The following BICC1 variants were observed in gnomAD, a reference collection of about 807,000 sequenced individuals.
BICC1 encodes the protein BicC family RNA binding protein 1, also known as protein bicaudal C homolog 1.
Under a neutral mutation model 111.0 loss-of-function variants are expected in BICC1, and 43 were observed. The ratio of observed to expected loss-of-function variants is 0.39; its 90% CI spans 0.30 to 0.50. The LOEUF (loss-of-function observed/expected upper bound fraction) is 0.50. Ranked by LOEUF, BICC1 falls within the 20% of genes least tolerant of loss-of-function variation. BICC1 has a pLI of 0.88. For missense variants in BICC1, 1,091 were observed against 1,203.2 expected (o/e 0.91, Z 1.38); for synonymous variants, 467 against 434.4 (o/e 1.07, Z -0.93).
At chr10:58,686,903 G>A (rs917706188) in intron 2 of BICC1, among the ~76,000 whole-genome samples, 3 of 152,172 alleles carry the variant, frequency 2.0e-5, no homozygotes, top group Admixed American at 6.5e-5. Context: ...ATCTAGCTTT[G>A]TTCCATTGCT....
At chr10:58,785,149 G>C (rs1842975017) in intron 4 of BICC1, 69 bp downstream of exon 4, 1 of 863,188 alleles carries the variant, frequency 1.2e-6, no homozygotes, top group Admixed American at 2.8e-5. Context: ...ATGCCGTTAT[G>C]AAAGAACCAT....
intron 1 of BICC1, among the ~76,000 whole-genome samples, chr10:58,542,263 G>A (rs1290129738): frequency 6.6e-6 from 1 of 151,560 alleles, no homozygotes; most frequent in Non-Finnish European, 1.5e-5. Context: ...TGACAAAGAT[G>A]CCAAGGCTAC....
chr10:58,535,114 T>C (rs1842792181), intron 1 of BICC1, among the ~76,000 whole-genome samples: 2 of 151,732 alleles, frequency 1.3e-5, no homozygotes, highest in African/African-American at 2.4e-5. Context: ...CAAAGAATTA[T>C]AGGTTTTCCT....
At chr10:58,521,623 A>G (rs1351274489) in intron 1 of BICC1, among the ~76,000 whole-genome samples, 2 of 151,218 alleles carry the variant, frequency 1.3e-5, no homozygotes, top group Non-Finnish European at 2.9e-5. Flanking sequence ...TTAGAAAGCA[A>G]TTGAATTACC....
At chr10:58,693,030 T>G (rs1839958619) in intron 2 of BICC1, among the ~76,000 whole-genome samples, 1 of 151,694 alleles carries the variant, frequency 6.6e-6, no homozygotes, top group Non-Finnish European at 1.5e-5. Flanking sequence ...CCCCACAACA[T>G]TCCCGAAGTG....
At chr10:58,603,071 A>G (rs1250935346) in intron 1 of BICC1, among the ~76,000 whole-genome samples, 2 of 152,180 alleles carry the variant, frequency 1.3e-5, no homozygotes, top group Non-Finnish European at 2.9e-5. Flanking sequence ...TTAATGTTAA[A>G]ATGTCTATCA....
chr10:58,642,630 C>A (rs1225036911), intron 2 of BICC1, among the ~76,000 whole-genome samples: 3 of 151,976 alleles, frequency 2.0e-5, no homozygotes, highest in Admixed American at 2.0e-4. Flanking sequence ...TTGCACCAGT[C>A]ACCAAAAACA....
chr10:58,562,072 G>A (rs1421766312), intron 1 of BICC1, among the ~76,000 whole-genome samples: 1 of 152,050 alleles, frequency 6.6e-6, no homozygotes, highest in Non-Finnish European at 1.5e-5. Context: ...ACTTTTGACA[G>A]TTTTCAGTAA....
At chr10:58,579,748 G>C (rs889077255) in intron 1 of BICC1, among the ~76,000 whole-genome samples, 34 of 152,154 alleles carry the variant, frequency 2.2e-4, no homozygotes, top group African/African-American at 7.5e-4. Flanking sequence ...GAGTTAATCT[G>C]CTCTCAGAGA....
intron 2 of BICC1, among the ~76,000 whole-genome samples, chr10:58,636,465 G>C (rs1280670465): frequency 6.6e-6 from 1 of 152,086 alleles, no homozygotes; most frequent in African/African-American, 2.4e-5. Context: ...CACACAAAAA[G>C]ATCCTATGGG....
intron 18 of BICC1, among the ~76,000 whole-genome samples, chr10:58,814,956 T>C (rs922249481): frequency 6.6e-6 from 1 of 152,168 alleles, no homozygotes; most frequent in South Asian, 2.1e-4. Flanking sequence ...AATTAACTTA[T>C]TACAGCATGG....
At chr10:58,787,438 T>TA (rs1843044081) in intron 5 of BICC1, among the ~76,000 whole-genome samples, 1 of 152,144 alleles carries the variant, frequency 6.6e-6, no homozygotes, top group Non-Finnish European at 1.5e-5. Context: ...TGGAAGTAAA[T>TA]ACCTTTGTGG....
chr10:58,816,595 T>TA (rs1225312201), intron 18 of BICC1, among the ~76,000 whole-genome samples: 1 of 152,092 alleles, frequency 6.6e-6, no homozygotes, highest in African/African-American at 2.4e-5. Flanking sequence ...TGGATCTGAT[T>TA]GGCTTTGGTC....
At chr10:58,814,058 A>G in intron 18 of BICC1, 72 bp downstream of exon 18, 3 of 1,551,282 alleles carry the variant, frequency 1.9e-6, no homozygotes, top group Non-Finnish European at 2.7e-6. Context: ...TTGGAGTATC[A>G]CTGACTGTGG....
intron 1 of BICC1, among the ~76,000 whole-genome samples, chr10:58,544,920 T>G (rs1843096909): frequency 6.6e-6 from 1 of 152,052 alleles, no homozygotes. Flanking sequence ...AAGGGGAACT[T>G]TGGATACAGA....
At position 58,776,032 on chromosome 10, in the gene BICC1, CTAAGT is replaced by C. The variant is rs1445089643; in HGVS notation, c.308-8966_308-8962del. ...GAATTTTAATGCCAGTCTCAAGTTG[CTAAGT>C]TATTTTTAGAATCGAATTCCTAAAA... On this transcript the variant is annotated intron_variant, in intron 3 of 20. Transcript: ENST00000373886. Among the ~76,000 whole-genome samples, 3 of 152,280 alleles carry C rather than the reference CTAAGT, an allele frequency of 2.0e-5. No homozygotes were observed. In the East Asian group the frequency reaches 5.8e-4, roughly 29 times the overall value.
chr10:58,701,849 T>C (rs535602203), intron 2 of BICC1, among the ~76,000 whole-genome samples: 9 of 152,286 alleles, frequency 5.9e-5, no homozygotes, highest in African/African-American at 2.2e-4. Flanking sequence ...AGAGGAACAC[T>C]GGGAGTAACA....
chr10:58,580,259 A>G (rs1247162991), intron 1 of BICC1, among the ~76,000 whole-genome samples: 2 of 152,114 alleles, frequency 1.3e-5, no homozygotes, highest in Non-Finnish European at 2.9e-5. Context: ...CCTGTCCTCA[A>G]GTGATCTGCC....
chr10:58,603,072 A>G (rs1845093550), intron 1 of BICC1, among the ~76,000 whole-genome samples: 1 of 152,208 alleles, frequency 6.6e-6, no homozygotes, highest in South Asian at 2.1e-4. Flanking sequence ...TAATGTTAAA[A>G]TGTCTATCAG....
Sources: allele counts gnomAD v4.1 joint callset (sites outside exome capture counted in the v4.1 genomes callset), GRCh38; gene constraint gnomAD v4.1.1; transcripts MANE v1.5; gene names NCBI Gene and HGNC (gene_info 2026-07-23, HGNC 2026-07-21).